NT5C3A: variants seen among roughly 807,000 people sequenced by gnomAD.
The protein encoded by NT5C3A is 5'-nucleotidase, cytosolic IIIA.
NT5C3A carries 23 observed loss-of-function variants against 40.0 expected under a neutral mutation model. That is an observed-to-expected ratio of 0.58 (90% CI 0.41 to 0.81). NT5C3A has a LOEUF of 0.81. Among genes scored for constraint, NT5C3A ranks in the 40% least tolerant of loss-of-function variants. The pLI is 0.00. For synonymous variants in NT5C3A, 130 were observed against 141.4 expected, an observed-to-expected ratio of 0.92 and a Z score of 0.57; for missense variants, 328 against 403.0, an observed-to-expected ratio of 0.81 and a Z score of 1.59.
At chr7:33,020,733 T>C (rs1009169154) in intron 5 of NT5C3A, among the ~76,000 whole-genome samples, 1 of 152,022 alleles carries the variant, frequency 6.6e-6, no homozygotes, top group African/African-American at 2.4e-5. Flanking sequence ...CTCTGATCAT[T>C]CTGGTGGACT....
intron 1 of NT5C3A, among the ~76,000 whole-genome samples, chr7:33,044,131 G>A (rs1242763655): frequency 6.6e-6 from 1 of 151,650 alleles, no homozygotes; most frequent in East Asian, 1.9e-4. Flanking sequence ...AGGTTCAAGT[G>A]ATTCTCCTGC....
chr7:33,022,128 A>G (rs753931169), intron 3 of NT5C3A, 29 bp from the exon 4 acceptor site: 3 of 1,182,666 alleles, frequency 2.5e-6, no homozygotes, highest in Admixed American at 1.7e-5. Flanking sequence ...ATAAGCATTA[A>G]AAGAAATACT....
chr7:33,058,135 T>C lies in NT5C3A; in HGVS notation c.138+4433A>G, dbSNP rs1347708647. On this transcript the variant is annotated intron_variant, in intron 1 of 8. Coordinates refer to ENST00000610140, the MANE Select transcript of NT5C3A (RefSeq NM_001002010.5). ...GATAAAAATAGAATACATTCTGATA[T>C]TGCAGGAGAAATTAGAAAAGAAGTC... 2.6e-5 allele frequency among the ~76,000 whole-genome samples: 4 copies of C among 152,276 alleles called. No homozygotes were observed. The East Asian group carries it at 7.7e-4, about 29-fold the overall frequency.
chr7:33,061,979 G>T (rs537714826), intron 1 of NT5C3A, among the ~76,000 whole-genome samples: 1 of 152,184 alleles, frequency 6.6e-6, no homozygotes, highest in South Asian at 2.1e-4. Context: ...AAGATATTTC[G>T]TGGGAGTTTT....
At chr7:33,061,138 G>A (rs1305402623) in intron 1 of NT5C3A, among the ~76,000 whole-genome samples, 1 of 152,152 alleles carries the variant, frequency 6.6e-6, no homozygotes, top group Non-Finnish European at 1.5e-5. Flanking sequence ...TTAAGCACAG[G>A]CAGGGAGATA....
intron 1 of NT5C3A, among the ~76,000 whole-genome samples, chr7:33,036,998 G>C (rs1360626162): frequency 6.6e-6 from 1 of 152,066 alleles, no homozygotes; most frequent in Non-Finnish European, 1.5e-5. Flanking sequence ...TTTTAGTAGA[G>C]ATGGGGTTTC....
intron 1 of NT5C3A, among the ~76,000 whole-genome samples, chr7:33,044,905 T>C (rs1484344675): frequency 6.6e-6 from 1 of 152,166 alleles, no homozygotes; most frequent in Non-Finnish European, 1.5e-5. Flanking sequence ...GACAGGGAAG[T>C]AAACAAAGGT....
At chr7:33,021,985 T>A (rs1289256179) in intron 4 of NT5C3A, 68 bp downstream of exon 4, 4 of 900,148 alleles carry the variant, frequency 4.4e-6, no homozygotes. Flanking sequence ...TGAATGCACC[T>A]GAAGAAATTC....
At chr7:33,023,164 C>T (rs1785726139) in intron 3 of NT5C3A, among the ~76,000 whole-genome samples, 1 of 151,960 alleles carries the variant, frequency 6.6e-6, no homozygotes, top group African/African-American at 2.4e-5. Context: ...ATTCCACCTC[C>T]ACCTCCCGAA....
At chr7:33,053,916 G>GT (rs1787468958) in intron 1 of NT5C3A, among the ~76,000 whole-genome samples, 1 of 152,124 alleles carries the variant, frequency 6.6e-6, no homozygotes, top group East Asian at 1.9e-4. Context: ...AGTTGAAAAT[G>GT]TGGTTAACTT....
chr7:33,047,223 A>G (rs1450268940), intron 1 of NT5C3A, among the ~76,000 whole-genome samples: 1 of 152,196 alleles, frequency 6.6e-6, no homozygotes, highest in Non-Finnish European at 1.5e-5. Context: ...CTATTTTGTT[A>G]TAAGTTAAAT....
Position 33,055,872 on chromosome 7 carries a change from AG to A in NT5C3A, c.138+6695del, listed in dbSNP as rs142584662. Reference sequence around the variant, plus strand: ...ATGCCTGCAATCCCAGCACTTTGGAAGGCTGAGGTGGGAAGATTGCTTGAGC... The same window carrying A: ...ATGCCTGCAATCCCAGCACTTTGGAAGCTGAGGTGGGAAGATTGCTTGAGC... On this transcript the variant is annotated intron_variant, in intron 1 of 8. Transcript: ENST00000610140. Among the ~76,000 whole-genome samples, 1,218 of 152,310 alleles carry A rather than the reference AG, an allele frequency of 8.0e-3. 56 individuals carry two copies. In the East Asian group the frequency reaches 0.14, roughly 17 times the overall value.
chr7:33,015,501 T>A (rs1785270656), intron 8 of NT5C3A, among the ~76,000 whole-genome samples, 169 bp downstream of exon 8: 1 of 152,070 alleles, frequency 6.6e-6, no homozygotes, highest in Admixed American at 6.6e-5. Flanking sequence ...AGGTCGAGGC[T>A]GCAGTGAGAT....
chr7:33,035,423 G>C (rs540840827), intron 1 of NT5C3A, among the ~76,000 whole-genome samples: 1 of 152,098 alleles, frequency 6.6e-6, no homozygotes, highest in Non-Finnish European at 1.5e-5. Flanking sequence ...TCGATCTCCT[G>C]ACCTGGTGAT....
At chr7:33,056,695 TTTGATTCA>T (rs1172305291) in intron 1 of NT5C3A, among the ~76,000 whole-genome samples, 3 of 151,880 alleles carry the variant, frequency 2.0e-5, no homozygotes, top group Non-Finnish European at 4.4e-5. Flanking sequence ...ATAAAGTCTA[TTTGATTCA>T]CTAAAGCAGT....
chr7:33,054,895 C>T (rs760986836), intron 1 of NT5C3A, among the ~76,000 whole-genome samples: 7 of 152,144 alleles, frequency 4.6e-5, no homozygotes, highest in Non-Finnish European at 1.0e-4. Flanking sequence ...AGTTTTGAAG[C>T]TAGTTGTGAC....
intron 6 of NT5C3A, among the ~76,000 whole-genome samples, 159 bp downstream of exon 6, chr7:33,019,476 C>T (rs755539661): frequency 1.1e-4 from 17 of 152,086 alleles, no homozygotes; most frequent in Non-Finnish European, 2.2e-4. Flanking sequence ...ATTCTAAATT[C>T]CTTATCTTAC....
chr7:33,062,224 GCAGCT>G (rs1462928401), intron 1 of NT5C3A, among the ~76,000 whole-genome samples: 1 of 152,180 alleles, frequency 6.6e-6, no homozygotes, highest in Non-Finnish European at 1.5e-5. Context: ...CCCAGGACAT[GCAGCT>G]TATCTCTAGA....
chr7:33,030,905 C>G (rs1435178818), intron 1 of NT5C3A, among the ~76,000 whole-genome samples: 1 of 151,460 alleles, frequency 6.6e-6, no homozygotes, highest in South Asian at 2.1e-4. Context: ...CGAGACCATC[C>G]TGGCTAACAC....
Sources: gnomAD v4.1 joint callset for allele counts (sites outside exome capture counted in the v4.1 genomes callset) on GRCh38, gnomAD v4.1.1 for gene constraint, MANE v1.5 for transcripts, NCBI Gene and HGNC (gene_info 2026-07-23, HGNC 2026-07-21) for gene names.